SMC1B: variants seen among roughly 807,000 people sequenced by gnomAD.
SMC1B encodes the protein structural maintenance of chromosomes 1B, also known as structural maintenance of chromosomes protein 1B.
A neutral mutation model predicts 157.9 loss-of-function variants in SMC1B; 60 were observed. The observed-to-expected ratio is 0.38, with a 90% CI of 0.31 to 0.47. SMC1B has a LOEUF of 0.47. Among genes scored for constraint, SMC1B ranks in the 20% least tolerant of loss-of-function variants. SMC1B has a pLI of 0.99. For missense variants in SMC1B, 1,165 were observed against 1,426.2 expected (o/e 0.82, Z 2.95); for synonymous variants, 445 against 483.0 (o/e 0.92, Z 1.03).
At chr22:45,376,826 T>C (rs1401997798) in intron 12 of SMC1B, among the ~76,000 whole-genome samples, 2 of 152,200 alleles carry the variant, frequency 1.3e-5, no homozygotes, top group African/African-American at 4.8e-5. Context: ...TGCTTTTCCC[T>C]TGGTGCAATA....
intron 12 of SMC1B, among the ~76,000 whole-genome samples, chr22:45,373,986 C>G (rs1203441226): frequency 6.7e-6 from 1 of 149,560 alleles, no homozygotes; most frequent in Non-Finnish European, 1.5e-5. Flanking sequence ...AAAAGGTGAA[C>G]AATTTTTGTC....
At chr22:45,377,627 ACT>A (rs924598709) in intron 12 of SMC1B, among the ~76,000 whole-genome samples, 5 of 146,640 alleles carry the variant, frequency 3.4e-5, no homozygotes, top group Admixed American at 6.8e-5. Context: ...ACAGAGTGAG[ACT>A]CTGTCTCAAA....
At chr22:45,402,009 G>A (rs761303957) in intron 5 of SMC1B, among the ~76,000 whole-genome samples, 3 of 151,848 alleles carry the variant, frequency 2.0e-5, no homozygotes, top group South Asian at 2.1e-4. Flanking sequence ...TCAGCCTCCC[G>A]AGTAGGTGGG....
In SMC1B at chr22:45,408,854, T is replaced by C; in HGVS notation, c.154A>G (p.Lys52Glu). 6.4e-7 allele frequency: 1 copy of C among 1,561,404 alleles called. No homozygotes were observed. Among genetic ancestry groups the C allele is most frequent in the Non-Finnish European group, 8.6e-7 (1 of 1,159,816 alleles). Reference sequence around the variant, plus strand: ...TTTTTCACTCTTAAATTAGCTATTTTCTCTCCCATTACAAAACTAAGTGCA... The same window carrying C: ...TTTTTCACTCTTAAATTAGCTATTTCCTCTCCCATTACAAAACTAAGTGCA... Reference protein sequence around the residue: ...MDALSFVMGEKIANLRVKNIQ... With the variant: ...MDALSFVMGEEIANLRVKNIQ... The change falls in exon 2 of 25, where the codon AAA becomes GAA. Residue 52 changes from lysine to glutamate, a missense_variant. Coordinates refer to ENST00000357450, the MANE Select transcript of SMC1B (RefSeq NM_148674.5).
intron 19 of SMC1B, among the ~76,000 whole-genome samples, chr22:45,357,639 G>GGCTAGACATTTCAT (rs1340360537): frequency 6.6e-6 from 1 of 150,858 alleles, no homozygotes; most frequent in African/African-American, 2.4e-5. Context: ...TTTCTTCTTT[G>GGCTAGACATTTCAT]GCTAGACATT....
At chr22:45,403,679 G>C (rs1014190254) in intron 4 of SMC1B, among the ~76,000 whole-genome samples, 5 of 151,948 alleles carry the variant, frequency 3.3e-5, no homozygotes, top group African/African-American at 1.2e-4. Flanking sequence ...GGCTAGTCTC[G>C]AACTCCTGGG....
At chr22:45,379,547 G>A (rs1049595112) in intron 12 of SMC1B, among the ~76,000 whole-genome samples, 5 of 151,688 alleles carry the variant, frequency 3.3e-5, no homozygotes, top group Admixed American at 2.0e-4. Flanking sequence ...ATATACATAC[G>A]GTCTTTAGAA....
At chr22:45,368,490 T>C (rs2086796930) in intron 15 of SMC1B, among the ~76,000 whole-genome samples, 2 of 152,112 alleles carry the variant, frequency 1.3e-5, no homozygotes, top group African/African-American at 4.8e-5. Context: ...AAAAGATGCA[T>C]TTTTTCCTCT....
chr22:45,385,346 A>T (rs936881817), intron 11 of SMC1B, among the ~76,000 whole-genome samples: 40 of 152,120 alleles, frequency 2.6e-4, no homozygotes, highest in African/African-American at 9.2e-4. Flanking sequence ...ATGTTTGACT[A>T]AAGAAAATTC....
chr22:45,374,160 G>T (rs2086862176), intron 12 of SMC1B, among the ~76,000 whole-genome samples: 1 of 124,650 alleles, frequency 8.0e-6, no homozygotes, highest in Non-Finnish European at 1.6e-5. Flanking sequence ...AAAGAATCTT[G>T]TGTAGTAAAT....
At chr22:45,365,810 T>C (rs1350903971) in intron 15 of SMC1B, among the ~76,000 whole-genome samples, 1 of 152,118 alleles carries the variant, frequency 6.6e-6, no homozygotes, top group Non-Finnish European at 1.5e-5. Flanking sequence ...AAATAAACCC[T>C]ATAATTATCT....
rs1448075254 is a variant in SMC1B at position 45,402,238 on chromosome 22, TA to T, written c.854+94del. The stretch of plus-strand genomic sequence containing the variant: ...TAAAAGTATTCCAAAGTAAAAAGCT[TA>T]TTTTTAAAATCAATTTTCAAAGTGT... On this transcript the variant is annotated intron_variant, in intron 5 of 24. Coordinates refer to ENST00000357450, the MANE Select transcript of SMC1B (RefSeq NM_148674.5). The T allele has an allele frequency of 2.0e-5, 18 of 901,702 alleles. No homozygotes were observed. In the Admixed American group the frequency reaches 3.9e-4, roughly 20 times the overall value. 55.9% of individuals were successfully genotyped at this position (901,702 alleles called of 1,614,324 possible).
At position 45,344,421 on chromosome 22, in the gene SMC1B, G is replaced by T; in HGVS notation, c.*135C>A. 1 of 599,210 alleles carries T rather than the reference G, an allele frequency of 1.7e-6. No individual in the cohort carries two copies. The highest frequency in any genetic ancestry group is 3.0e-6 in the Non-Finnish European group (1 of 335,848). The allele number at this position is 599,210 out of a possible 1,614,324, so 37.1% of individuals were successfully genotyped here. A position where few individuals can be genotyped will look rare whatever the true frequency, so the allele number is the denominator to read the frequency against. On this transcript the variant is annotated 3_prime_UTR_variant, in exon 25 of 25. Coordinates refer to ENST00000357450, the MANE Select transcript of SMC1B (RefSeq NM_148674.5). ...ACTAAAGTGAGCCACAGCCTCTTTG[G>T]CTAGAACGACTAAGGTTTCTCTTAA...
chr22:45,408,586 A>G (rs968315381), intron 2 of SMC1B, 124 bp downstream of exon 2: 2 of 603,144 alleles, frequency 3.3e-6, no homozygotes, highest in South Asian at 2.5e-5. Flanking sequence ...GCTATGCAAG[A>G]GAAAAAAGAA....
At chr22:45,355,371 T>C (rs2086659817) in intron 19 of SMC1B, among the ~76,000 whole-genome samples, 1 of 152,200 alleles carries the variant, frequency 6.6e-6, no homozygotes, top group Non-Finnish European at 1.5e-5. Flanking sequence ...ATACTTCACC[T>C]TCATTTATTT....
chr22:45,352,846 A>G (rs1364928120), intron 21 of SMC1B, among the ~76,000 whole-genome samples: 1 of 152,230 alleles, frequency 6.6e-6, no homozygotes, highest in Non-Finnish European at 1.5e-5. Flanking sequence ...CCAGACTGCC[A>G]GTCAAACCTC....
At chr22:45,386,260 CTA>C (rs1342356226) in intron 11 of SMC1B, among the ~76,000 whole-genome samples, 1 of 151,632 alleles carries the variant, frequency 6.6e-6, no homozygotes, top group Non-Finnish European at 1.5e-5. Context: ...AAAAAAAAAA[CTA>C]TGTCAGATTA....
chr22:45,378,438 T>C (rs1241831964), intron 12 of SMC1B, among the ~76,000 whole-genome samples: 1 of 152,168 alleles, frequency 6.6e-6, no homozygotes, highest in Non-Finnish European at 1.5e-5. Flanking sequence ...TTTAACAGTA[T>C]CTCACATTTA....
In SMC1B at chr22:45,374,941, T is replaced by G. The variant is rs569606954; in HGVS notation, c.2059-2649A>C. Among the ~76,000 whole-genome samples the G allele has an allele frequency of 2.6e-5, 4 of 152,262 alleles. No individual in the cohort carries two copies. The South Asian group carries it at 8.3e-4, about 32-fold the overall frequency. ...ACCATCCTAGCCATGAGAGATCACA[T>G]GAAACCTGAGACCAGAGAATCATTT... On this transcript the variant is annotated intron_variant, in intron 12 of 24. Transcript: ENST00000357450.
Sources: gnomAD v4.1 joint callset for allele counts (sites outside exome capture counted in the v4.1 genomes callset) on GRCh38, gnomAD v4.1.1 for gene constraint, MANE v1.5 for transcripts, NCBI Gene and HGNC (gene_info 2026-07-23, HGNC 2026-07-21) for gene names.